Variants in INIP observed in about 807,000 individuals in gnomAD.
INIP encodes SOSS complex subunit C.
In INIP, 9 loss-of-function variants were observed where a neutral mutation model predicts 14.0. The observed-to-expected ratio is 0.64, with a 90% confidence interval of 0.39 to 1.12. The LOEUF (loss-of-function observed/expected upper bound fraction) is 1.12, where lower values mean the gene tolerates loss of function less well. INIP is among the 50% of genes most tolerant of loss of function. The pLI is 0.01. For missense variants in INIP, 78 were observed against 122.7 expected, an observed-to-expected ratio of 0.64 and a Z score of 1.72; for synonymous variants, 37 against 41.5, an observed-to-expected ratio of 0.89 and a Z score of 0.41.
intron 2 of INIP, among the ~76,000 whole-genome samples, chr9:112,696,834 A>T (rs1001070654): frequency 1.3e-5 from 2 of 152,240 alleles, no homozygotes; most frequent in African/African-American, 4.8e-5. Context: ...GAAGAGATGC[A>T]TCGGGCCAGG....
intron 2 of INIP, among the ~76,000 whole-genome samples, chr9:112,695,255 G>GAAAAAAAAAAAAAA (rs60657759): frequency 1.1e-4 from 7 of 64,682 alleles, no homozygotes; most frequent in Middle Eastern, 0.011. Flanking sequence ...CAGAACTACA[G>GAAAAAAAAAAAAAA]AAAAAAAAAA....
intron 1 of INIP, among the ~76,000 whole-genome samples, chr9:112,717,444 T>C (rs938998145): frequency 6.6e-6 from 1 of 151,832 alleles, no homozygotes; most frequent in Non-Finnish European, 1.5e-5. Flanking sequence ...TACTAAATCC[T>C]GGGGAGATCC....
At chr9:112,693,875 G>C (rs1358239724) in intron 3 of INIP, among the ~76,000 whole-genome samples, 1 of 152,220 alleles carries the variant, frequency 6.6e-6, no homozygotes, top group African/African-American at 2.4e-5. Flanking sequence ...AGGAGTTCAA[G>C]ACCAGCCTAA....
chr9:112,697,757 C>T (rs995370485), intron 2 of INIP, among the ~76,000 whole-genome samples: 9 of 152,158 alleles, frequency 5.9e-5, no homozygotes, highest in Non-Finnish European at 1.3e-4. Flanking sequence ...GTATTACTTA[C>T]ACAATTGGTT....
In INIP at chr9:112,687,391, C is replaced by A; in HGVS notation, c.*147G>T. On this transcript the variant is annotated 3_prime_UTR_variant, in exon 5 of 5. Coordinates refer to ENST00000374242, the MANE Select transcript of INIP (RefSeq NM_021218.3). ...ATCATCCTGGTTATTCTTCTTTCAG[C>A]TTTCACTTACACATTCCTTTCTTTC... 1.8e-6 allele frequency: 1 copy of A among 554,576 alleles called. No homozygotes were observed. 34.4% of individuals were successfully genotyped at this position (554,576 alleles called of 1,614,324 possible). A position where few individuals can be genotyped will look rare whatever the true frequency, so the allele number is the denominator to read the frequency against.
At chr9:112,694,296 C>T in intron 2 of INIP, 63 bp from the exon 3 acceptor site, 2 of 985,410 alleles carry the variant, frequency 2.0e-6, no homozygotes, top group Non-Finnish European at 3.1e-6. Context: ...ACATTTTAGA[C>T]CTATTTTTAT....
intron 2 of INIP, among the ~76,000 whole-genome samples, chr9:112,700,852 A>G (rs2131299096): frequency 6.6e-6 from 1 of 152,128 alleles, no homozygotes; most frequent in East Asian, 1.9e-4. Context: ...GCTCCAAACT[A>G]ACATTAATAT....
intron 2 of INIP, among the ~76,000 whole-genome samples, chr9:112,704,599 A>G (rs532539965): frequency 4.6e-5 from 7 of 152,312 alleles, no homozygotes; most frequent in African/African-American, 1.7e-4. Context: ...GCCCATCAAC[A>G]CAGTTTGGGT....
chr9:112,701,288 A>G (rs1838292916), intron 2 of INIP, among the ~76,000 whole-genome samples: 1 of 152,240 alleles, frequency 6.6e-6, no homozygotes, highest in African/African-American at 2.4e-5. Flanking sequence ...AGCCTGGGCA[A>G]CAAGGCAAAA....
At chr9:112,698,303 CAAAAAAAAAAAA>C (rs755265359) in intron 2 of INIP, among the ~76,000 whole-genome samples, 8 of 43,676 alleles carry the variant, frequency 1.8e-4, no homozygotes, top group East Asian at 1.5e-3. Context: ...GACTCTGTCT[CAAAAAAAAAAAA>C]AAAAAAAAAA....
intron 2 of INIP, among the ~76,000 whole-genome samples, chr9:112,711,561 A>G (rs113667767): frequency 0.013 from 1,905 of 152,306 alleles, 63 homozygotes; most frequent in African/African-American, 0.044. Context: ...TTTTAGCAGC[A>G]TGTTATCTTT....
chr9:112,716,440 A>C (rs1838819773), intron 2 of INIP, 21 bp downstream of exon 2: 2 of 1,610,014 alleles, frequency 1.2e-6, no homozygotes, highest in African/African-American at 2.7e-5. Flanking sequence ...TTCATAGTAA[A>C]GAAATTCCTG....
chr9:112,694,006 C>T lies in INIP; in HGVS notation c.128+125G>A, dbSNP rs1254349738. 1.2e-5 allele frequency: 6 copies of T among 516,808 alleles called. No individual in the cohort carries two copies. In the East Asian group the frequency reaches 1.5e-4, roughly 13 times the overall value. The allele number at this position is 516,808 out of a possible 1,614,324, so 32.0% of individuals were successfully genotyped here. On this transcript the variant is annotated intron_variant, in intron 3 of 4. Transcript: ENST00000374242. The stretch of plus-strand genomic sequence containing the variant: ...AGGAGAATCGCTAGAACCCGGGAGG[C>T]GGAGGCTGCAGTGAGCCGAGATTGC...
At chr9:112,690,141 A>C (rs1837829284) in intron 3 of INIP, among the ~76,000 whole-genome samples, 1 of 152,204 alleles carries the variant, frequency 6.6e-6, no homozygotes, top group Non-Finnish European at 1.5e-5. Flanking sequence ...TTATCCTAAC[A>C]GTAATAGGAG....
At chr9:112,711,024 A>G (rs1165008567) in intron 2 of INIP, among the ~76,000 whole-genome samples, 1 of 151,554 alleles carries the variant, frequency 6.6e-6, no homozygotes, top group African/African-American at 2.4e-5. Context: ...ACAGGAAAAA[A>G]AAAAAGAAAA....
intron 3 of INIP, among the ~76,000 whole-genome samples, chr9:112,693,831 T>C (rs778088341): frequency 9.2e-5 from 14 of 152,186 alleles, no homozygotes; most frequent in Non-Finnish European, 1.8e-4. Flanking sequence ...TCCCAGCACT[T>C]TGGGAGACCA....
intron 2 of INIP, among the ~76,000 whole-genome samples, chr9:112,710,237 T>C (rs879675047): frequency 6.6e-6 from 1 of 152,212 alleles, no homozygotes; most frequent in East Asian, 1.9e-4. Flanking sequence ...AAATCACAGC[T>C]GAGAGCACCT....
intron 2 of INIP, among the ~76,000 whole-genome samples, chr9:112,712,659 A>G (rs1197537825): frequency 6.6e-6 from 1 of 152,252 alleles, no homozygotes; most frequent in Admixed American, 6.5e-5. Flanking sequence ...TGGAAATTCT[A>G]GAGCTAAAAA....
chr9:112,702,285 G>T (rs1469004594), intron 2 of INIP, among the ~76,000 whole-genome samples: 4 of 152,096 alleles, frequency 2.6e-5, no homozygotes, highest in Non-Finnish European at 5.9e-5. Flanking sequence ...AAAATTATAT[G>T]AAGTACAGCC....
Sources: gnomAD v4.1 joint callset for allele counts (sites outside exome capture counted in the v4.1 genomes callset) on GRCh38, gnomAD v4.1.1 for gene constraint, MANE v1.5 for transcripts, NCBI Gene and HGNC (gene_info 2026-07-23, HGNC 2026-07-21) for gene names.